PARP16: variants seen among roughly 807,000 people sequenced by gnomAD.
PARP16 encodes poly(ADP-ribose) polymerase family member 16.
A neutral mutation model predicts 35.0 loss-of-function variants in PARP16; 31 were observed. That is an observed-to-expected ratio of 0.88 (90% CI 0.66 to 1.19). The LOEUF (loss-of-function observed/expected upper bound fraction) is 1.19, where lower values mean the gene tolerates loss of function less well. Among genes scored for constraint, PARP16 ranks in the 50% most tolerant of loss-of-function variants. PARP16 has a pLI of 0.00. For missense variants in PARP16, 424 were observed against 411.2 expected (o/e 1.03, Z -0.27); for synonymous variants, 162 against 169.5 (o/e 0.96, Z 0.34).
At chr15:65,264,137 G>A (rs2089821703) in intron 3 of PARP16, among the ~76,000 whole-genome samples, 1 of 152,172 alleles carries the variant, frequency 6.6e-6, no homozygotes, top group Non-Finnish European at 1.5e-5. Flanking sequence ...TAAAAATCTA[G>A]GCAGCATCTC....
At chr15:65,256,171 T>C (rs1002330237), downstream of PARP16, among the ~76,000 whole-genome samples, 1 of 152,114 alleles carries the variant, frequency 6.6e-6, no homozygotes, top group Non-Finnish European at 1.5e-5. Context: ...ACTACTACTG[T>C]CTCCTTTGCA....
chr15:65,263,774 G>A (rs1234570555), intron 3 of PARP16, among the ~76,000 whole-genome samples: 2 of 152,090 alleles, frequency 1.3e-5, no homozygotes, highest in Non-Finnish European at 2.9e-5. Context: ...TGGGACATCT[G>A]GCACATCTAA....
In PARP16 at chr15:65,258,216, C is replaced by T. The variant is rs1331429211; in HGVS notation, c.*1191G>A. 1 of 152,184 alleles carries T rather than the reference C, an allele frequency of 6.6e-6. No individual in the cohort carries two copies. Among genetic ancestry groups the T allele is most frequent in the Non-Finnish European group, 1.5e-5 (1 of 68,036 alleles). 9.4% of individuals were successfully genotyped at this position (152,184 alleles called of 1,614,324 possible). On this transcript the variant is annotated 3_prime_UTR_variant, in exon 6 of 6. Coordinates refer to ENST00000649807, the MANE Select transcript of PARP16 (RefSeq NM_001316943.2). ...GAAAAATGATTTTTCCTCTTCTTTA[C>T]AGAAATGTCACTCCCAAATCGTACC...
Position 65,286,295 on chromosome 15 carries a change from G to GGGGAAGGGCCGCA in PARP16, c.119_131dup (p.Ser46AlafsTer12). On this transcript the variant is annotated frameshift_variant, in exon 1 of 6. Coordinates refer to ENST00000649807, the MANE Select transcript of PARP16 (RefSeq NM_001316943.2). LOFTEE classifies it high-confidence loss of function. ...TACAGTCGCCGCGGGCGTAGGACGCGGGGAAGGGCCGCAGCACCGAGTCGC... is the reference window on the plus strand; with the variant it reads ...TACAGTCGCCGCGGGCGTAGGACGCGGGGAAGGGCCGCAGGGAAGGGCCGCAGCACCGAGTCGC... 6.2e-7 allele frequency: 1 copy of GGGGAAGGGCCGCA among 1,601,450 alleles called. No individual in the cohort carries two copies. The highest frequency in any genetic ancestry group is 8.5e-7 in the Non-Finnish European group (1 of 1,175,304).
intron 3 of PARP16, among the ~76,000 whole-genome samples, chr15:65,243,244 G>A (rs2089125928): frequency 6.6e-6 from 1 of 151,852 alleles, no homozygotes; most frequent in South Asian, 2.1e-4. Flanking sequence ...CTTTAACCAT[G>A]AAGTATGATT....
In PARP16 at chr15:65,265,991, C is replaced by T. The variant is rs181250884; in HGVS notation, c.519+571G>A. ...TCACCTAGGCTGGAGTGCAATGGCACGATCTCAGCTCACTGCCACCTCTGC... is the reference window on the plus strand; with the variant it reads ...TCACCTAGGCTGGAGTGCAATGGCATGATCTCAGCTCACTGCCACCTCTGC... On this transcript the variant is annotated intron_variant, in intron 3 of 5. Transcript: ENST00000649807. Among the ~76,000 whole-genome samples, 446 of 152,248 alleles carry T rather than the reference C, an allele frequency of 2.9e-3. 1 individual carries two copies. Among genetic ancestry groups the T allele is most frequent in the Non-Finnish European group, 4.7e-3 (322 of 68,014 alleles).
At chr15:65,259,821 A>C (rs1294710701) in intron 5 of PARP16, among the ~76,000 whole-genome samples, 1 of 152,190 alleles carries the variant, frequency 6.6e-6, no homozygotes, top group Non-Finnish European at 1.5e-5. Context: ...ACCATTTACA[A>C]CCCATCTTGG....
chr15:65,266,488 T>C, intron 3 of PARP16, 74 bp downstream of exon 3: 2 of 1,297,442 alleles, frequency 1.5e-6, no homozygotes. Context: ...CCTAGGGTTC[T>C]GAATCTCCCC....
intron 1 of PARP16, among the ~76,000 whole-genome samples, chr15:65,276,548 TAC>T (rs1180535210): frequency 1.3e-5 from 2 of 151,996 alleles, no homozygotes; most frequent in Non-Finnish European, 2.9e-5. Context: ...TAATTTTTTG[TAC>T]AGACAGGGTT....
intron 3 of PARP16, among the ~76,000 whole-genome samples, chr15:65,244,321 C>A (rs1171265685): frequency 1.3e-5 from 2 of 152,162 alleles, no homozygotes; most frequent in Non-Finnish European, 2.9e-5. Context: ...CTAATAAAGA[C>A]ATACCCAAGA....
At chr15:65,263,441 G>A in intron 3 of PARP16, 121 bp from the exon 4 acceptor site, 1 of 706,914 alleles carries the variant, frequency 1.4e-6, no homozygotes, top group Non-Finnish European at 2.3e-6. Flanking sequence ...CCCGCTTTTT[G>A]CCCCAGCAAG....
At chr15:65,267,622 T>A (rs112260967) in intron 2 of PARP16, among the ~76,000 whole-genome samples, 9,079 of 106,706 alleles carry the variant, frequency 0.085, 357 homozygotes, top group Non-Finnish European at 0.097. Flanking sequence ...ATAAATAAAT[T>A]AATTAATTAA....
At chr15:65,267,828 T>C (rs938737483) in intron 2 of PARP16, among the ~76,000 whole-genome samples, 8 of 151,118 alleles carry the variant, frequency 5.3e-5, no homozygotes, top group Non-Finnish European at 8.9e-5. Flanking sequence ...TAGCTGGGAT[T>C]ACAAGTGCGT....
At chr15:65,276,998 T>A (rs932431684) in intron 1 of PARP16, among the ~76,000 whole-genome samples, 6 of 149,950 alleles carry the variant, frequency 4.0e-5, no homozygotes, top group African/African-American at 1.5e-4. Context: ...AAAAAAAAAA[T>A]TATTGGTTGC....
At chr15:65,283,519 T>G (rs2090483167) in intron 1 of PARP16, among the ~76,000 whole-genome samples, 1 of 152,176 alleles carries the variant, frequency 6.6e-6, no homozygotes, top group Non-Finnish European at 1.5e-5. Context: ...AGTCTTGTCC[T>G]TCTCTGTAAG....
Position 65,286,446 on chromosome 15 carries a change from C to T in PARP16, c.-20G>A. The T allele has an allele frequency of 6.9e-7, 1 of 1,453,554 alleles. No individual in the cohort carries two copies. Among genetic ancestry groups the T allele is most frequent in the South Asian group, 1.4e-5 (1 of 71,196 alleles). The allele number at this position is 1,453,554 out of a possible 1,614,324, so 90.0% of individuals were successfully genotyped here. On this transcript the variant is annotated 5_prime_UTR_variant, in exon 1 of 6. Transcript: ENST00000649807. ...CTGCATCCCAGGTCACTGCGCGTTG[C>T]CGGGGTAGACGCGCTGGTTAGGGGC...
At chr15:65,269,205 T>TCTCTCTCTCTCTCTCTCTCTCCTC (rs1567029678) in intron 2 of PARP16, among the ~76,000 whole-genome samples, 1 of 147,308 alleles carries the variant, frequency 6.8e-6, no homozygotes, top group African/African-American at 2.6e-5. Context: ...TCTTTCTTTC[T>TCTCTCTCTCTCTCTCTCTCTCCTC]TTTTTTTTTG....
intron 1 of PARP16, among the ~76,000 whole-genome samples, chr15:65,282,074 C>T (rs1377076227): frequency 6.6e-6 from 1 of 152,180 alleles, no homozygotes; most frequent in Non-Finnish European, 1.5e-5. Context: ...TGCAGTGGCA[C>T]AATCACGGCC....
chr15:65,243,696 T>C (rs2140744150), intron 3 of PARP16, among the ~76,000 whole-genome samples: 1 of 152,144 alleles, frequency 6.6e-6, no homozygotes, highest in Admixed American at 6.5e-5. Flanking sequence ...AGTTCACTAG[T>C]GAAGGCATCT....
Sources: gnomAD v4.1 joint callset for allele counts (sites outside exome capture counted in the v4.1 genomes callset) on GRCh38, gnomAD v4.1.1 for gene constraint, MANE v1.5 for transcripts, NCBI Gene and HGNC (gene_info 2026-07-23, HGNC 2026-07-21) for gene names.